Variants in MAPK10 observed in about 807,000 individuals in gnomAD.
The protein encoded by MAPK10 is mitogen-activated protein kinase 10, also known as JNK3 alpha protein kinase.
A neutral mutation model predicts 59.3 loss-of-function variants in MAPK10; 25 were observed. That is an observed-to-expected ratio of 0.42 (90% CI 0.31 to 0.59). The LOEUF is 0.59. Among genes scored for constraint, MAPK10 ranks in the 20% least tolerant of loss-of-function variants. The probability of loss-of-function intolerance (pLI) is 0.15; values close to 1 mark genes in which losing one functional copy is unlikely to be tolerated. For missense variants in MAPK10, 351 were observed against 568.9 expected, an observed-to-expected ratio of 0.62 and a Z score of 3.90; for synonymous variants, 190 against 200.5, an observed-to-expected ratio of 0.95 and a Z score of 0.44.
intron 1 of MAPK10, among the ~76,000 whole-genome samples, chr4:86,476,116 A>G (rs1753070721): frequency 6.6e-6 from 1 of 151,930 alleles, no homozygotes; most frequent in Non-Finnish European, 1.5e-5. Flanking sequence ...TACCAATGTG[A>G]CTTATCCCAG....
chr4:86,349,747 G>A (rs1158584341), intron 2 of MAPK10, among the ~76,000 whole-genome samples: 2 of 152,192 alleles, frequency 1.3e-5, no homozygotes, highest in African/African-American at 4.8e-5. Flanking sequence ...TGAAAATGCA[G>A]ATTCTTAATC....
At chr4:86,532,579 C>G (rs187984052) in intron 1 of MAPK10, among the ~76,000 whole-genome samples, 1 of 152,200 alleles carries the variant, frequency 6.6e-6, no homozygotes, top group African/African-American at 2.4e-5. Flanking sequence ...CTCTTCCTAT[C>G]CAAATGCTAC....
At chr4:86,389,140 C>A (rs915006530) in intron 1 of MAPK10, among the ~76,000 whole-genome samples, 1 of 152,048 alleles carries the variant, frequency 6.6e-6, no homozygotes, top group Non-Finnish European at 1.5e-5. Flanking sequence ...CTCACAAGAT[C>A]TGGTTGTTTA....
intron 2 of MAPK10, among the ~76,000 whole-genome samples, chr4:86,350,208 T>A (rs1263239143): frequency 6.6e-6 from 1 of 151,636 alleles, no homozygotes; most frequent in East Asian, 2.0e-4. Flanking sequence ...CCCACCACCA[T>A]GTCCAGATAA....
At chr4:86,336,181 T>A (rs1721217759) in intron 2 of MAPK10, 1 of 152,228 alleles carries the variant, frequency 6.6e-6, no homozygotes, top group Non-Finnish European at 1.5e-5. Flanking sequence ...TATAAATTAA[T>A]GTCAGATAAT....
rs117652753 is a variant in MAPK10 at position 86,488,466 on chromosome 4, G to A, written c.-263+105444C>T. On this transcript the variant is annotated intron_variant, in intron 1 of 4. Transcript: ENST00000502302. The stretch of plus-strand genomic sequence containing the variant: ...CAATTTTCCCATCCAGATATTGGGA[G>A]GGTAATATCAGAACTAGATTACTGG... Among the ~76,000 whole-genome samples the A allele has an allele frequency of 4.9e-4, 75 of 152,288 alleles. 2 individuals carry two copies. In the East Asian group the frequency reaches 0.014, roughly 28 times the overall value.
chr4:86,271,278 G>A (rs1433408080), intron 2 of MAPK10, among the ~76,000 whole-genome samples: 1 of 151,692 alleles, frequency 6.6e-6, no homozygotes, highest in African/African-American at 2.4e-5. Flanking sequence ...AATAATGTTG[G>A]TCCCTTTTTG....
intron 2 of MAPK10, among the ~76,000 whole-genome samples, chr4:86,244,001 T>A (rs998799362): frequency 6.6e-6 from 1 of 152,126 alleles, no homozygotes; most frequent in African/African-American, 2.4e-5. Flanking sequence ...TAACACTAAG[T>A]GGCACACAAT....
At chr4:86,346,606 A>T (rs999466555) in intron 2 of MAPK10, among the ~76,000 whole-genome samples, 1 of 152,014 alleles carries the variant, frequency 6.6e-6, no homozygotes, top group African/African-American at 2.4e-5. Flanking sequence ...TATATCCGGG[A>T]CCTCAGGTCT....
chr4:86,178,653 A>G (rs1209764579), intron 3 of MAPK10, among the ~76,000 whole-genome samples: 2 of 152,170 alleles, frequency 1.3e-5, no homozygotes, highest in African/African-American at 4.8e-5. Flanking sequence ...TTCCACTATT[A>G]TTCAACATAG....
intron 2 of MAPK10, among the ~76,000 whole-genome samples, chr4:86,202,997 C>A (rs2082991198): frequency 6.6e-6 from 1 of 151,888 alleles, no homozygotes; most frequent in African/African-American, 2.4e-5. Flanking sequence ...GAGCATTTGG[C>A]CCATTGTATA....
At chr4:86,150,260 G>C (rs1360891259) in intron 4 of MAPK10, among the ~76,000 whole-genome samples, 2 of 152,118 alleles carry the variant, frequency 1.3e-5, no homozygotes, top group Admixed American at 6.6e-5. Context: ...GTACACAAAG[G>C]CATACAGCGT....
At chr4:86,134,169 T>A (rs2061482695) in intron 4 of MAPK10, among the ~76,000 whole-genome samples, 2 of 152,168 alleles carry the variant, frequency 1.3e-5, no homozygotes, top group African/African-American at 4.8e-5. Flanking sequence ...TCAAGCTGAG[T>A]AAGTCTACAC....
chr4:86,261,282 T>A (rs1177170796), intron 2 of MAPK10, among the ~76,000 whole-genome samples: 9 of 152,246 alleles, frequency 5.9e-5, no homozygotes, highest in Non-Finnish European at 1.3e-4. Flanking sequence ...TTGAATCACT[T>A]TGACAATTTA....
At chr4:86,293,317 C>A (rs946470400) in intron 2 of MAPK10, among the ~76,000 whole-genome samples, 1 of 152,152 alleles carries the variant, frequency 6.6e-6, no homozygotes, top group Non-Finnish European at 1.5e-5. Context: ...AGAATGTCCT[C>A]TAATAATTAT....
chr4:86,110,570 G>C (rs1247984854), intron 4 of MAPK10, among the ~76,000 whole-genome samples: 1 of 152,102 alleles, frequency 6.6e-6, no homozygotes, highest in East Asian at 1.9e-4. Flanking sequence ...TCTCTATTCT[G>C]TTCCATTGGT....
rs2049904602 is a variant in MAPK10 at position 86,078,217 on chromosome 4, A to C, written c.803-10262T>G. On this transcript the variant is annotated intron_variant, in intron 9 of 13. Coordinates refer to ENST00000641462, the MANE Select transcript of MAPK10 (RefSeq NM_138982.4). ...GTTACTAAGTCCAAATGTAAGAGTA[A>C]AATACTAACATGTTTCAGTTTTATG... 2.0e-5 allele frequency among the ~76,000 whole-genome samples: 3 copies of C among 152,210 alleles called. 1 individual carries two copies. Among genetic ancestry groups the C allele is most frequent in the African/African-American group, 7.2e-5 (3 of 41,442 alleles).
intron 4 of MAPK10, among the ~76,000 whole-genome samples, chr4:86,139,215 G>A (rs1365686160): frequency 2.0e-4 from 29 of 146,392 alleles, no homozygotes; most frequent in South Asian, 6.6e-4. Flanking sequence ...AAAAGAGCCC[G>A]CATCGCCAAG....
intron 3 of MAPK10, among the ~76,000 whole-genome samples, chr4:86,187,506 T>G (rs2078536653): frequency 1.3e-5 from 2 of 152,058 alleles, no homozygotes; most frequent in African/African-American, 2.4e-5. Flanking sequence ...AATTTAATAT[T>G]TTGAGGACCA....
Sources: allele counts gnomAD v4.1 joint callset (sites outside exome capture counted in the v4.1 genomes callset), GRCh38; gene constraint gnomAD v4.1.1; transcripts MANE v1.5; gene names NCBI Gene and HGNC (gene_info 2026-07-23, HGNC 2026-07-21).